LIN9: variants seen among roughly 807,000 people sequenced by gnomAD.
LIN9 encodes protein lin-9 homolog.
LIN9 carries 18 observed loss-of-function variants against 78.0 expected under a neutral mutation model. The ratio of observed to expected loss-of-function variants is 0.23; its 90% CI spans 0.16 to 0.34. LIN9 has a LOEUF of 0.34. Ranked by LOEUF, LIN9 falls within the 10% of genes least tolerant of loss-of-function variation. LIN9 has a pLI of 1.00. For missense variants in LIN9, 451 were observed against 644.1 expected (o/e 0.70, Z 3.25); for synonymous variants, 192 against 215.2 (o/e 0.89, Z 0.94).
In LIN9 at chr1:226,296,031, A is replaced by C. The variant is rs1394256247; in HGVS notation, c.160-85T>G. 4.7e-6 allele frequency: 4 copies of C among 846,464 alleles called. No homozygotes were observed. In the East Asian group the frequency reaches 1.0e-4, roughly 22 times the overall value. The allele number at this position is 846,464 out of a possible 1,614,324, so 52.4% of individuals were successfully genotyped here. ...ATACAATTCTATACTTGGAAAACTGAGCTAACTCTGGATTATCAGCAGTAT... is the reference window on the plus strand; with the variant it reads ...ATACAATTCTATACTTGGAAAACTGCGCTAACTCTGGATTATCAGCAGTAT... On this transcript the variant is annotated intron_variant, in intron 3 of 14. Transcript: ENST00000681046.
At chr1:226,266,927 G>A (rs1659955172) in intron 8 of LIN9, among the ~76,000 whole-genome samples, 1 of 151,676 alleles carries the variant, frequency 6.6e-6, no homozygotes, top group East Asian at 1.9e-4. Context: ...TTACAGACAT[G>A]TGCTACCCCA....
At chr1:226,297,881 T>C in intron 2 of LIN9, 68 bp from the exon 3 acceptor site, 1 of 727,694 alleles carries the variant, frequency 1.4e-6, no homozygotes, top group Non-Finnish European at 2.1e-6. Flanking sequence ...ATGAATACTG[T>C]TTTTTTCATA....
rs950632849 is a variant in LIN9, at chr1:226,231,388, T to C, written c.*1113A>G. The C allele has an allele frequency of 1.3e-5, 2 of 152,556 alleles. No homozygotes were observed. The highest frequency in any genetic ancestry group is 2.9e-5 in the Non-Finnish European group (2 of 68,020). The allele number at this position is 152,556 out of a possible 1,614,324, so 9.5% of individuals were successfully genotyped here. On this transcript the variant is annotated 3_prime_UTR_variant, in exon 15 of 15. Coordinates refer to ENST00000681046, the MANE Select transcript of LIN9 (RefSeq NM_001366245.2). ...TTAACATATAAAAAGTCTCATTTTA[T>C]GAGACATCTAAAGGAATTAAAACCA...
intron 10 of LIN9, among the ~76,000 whole-genome samples, chr1:226,262,458 A>G (rs1659649449): frequency 6.6e-6 from 1 of 152,390 alleles, no homozygotes; most frequent in Non-Finnish European, 1.5e-5. Flanking sequence ...TTGGATTAAA[A>G]AATGAGCCAA....
chr1:226,253,407 C>A (rs1658973243), intron 10 of LIN9, among the ~76,000 whole-genome samples: 1 of 151,756 alleles, frequency 6.6e-6, no homozygotes, highest in Non-Finnish European at 1.5e-5. Flanking sequence ...AATCCTCATG[C>A]CTCAGGCTCC....
intron 11 of LIN9, among the ~76,000 whole-genome samples, chr1:226,239,580 T>C (rs1448632588): frequency 3.3e-5 from 5 of 152,218 alleles, no homozygotes; most frequent in Admixed American, 3.3e-4. Flanking sequence ...CATCTAGCTG[T>C]GTGATGTTAA....
intron 4 of LIN9, among the ~76,000 whole-genome samples, chr1:226,290,226 G>A (rs1016541768): frequency 6.6e-6 from 1 of 151,510 alleles, no homozygotes; most frequent in African/African-American, 2.4e-5. Context: ...TGGGAAAAAG[G>A]CATAAACAGT....
intron 10 of LIN9, among the ~76,000 whole-genome samples, chr1:226,258,848 G>A (rs1299274365): frequency 7.8e-5 from 9 of 114,818 alleles, no homozygotes; most frequent in Middle Eastern, 0.011. Context: ...CCGAGATCAC[G>A]CCACTGCACT....
At chr1:226,305,315 GAAAAAAAAAAA>G (rs111859953) in intron 1 of LIN9, among the ~76,000 whole-genome samples, 8 of 77,536 alleles carry the variant, frequency 1.0e-4, no homozygotes, top group Middle Eastern at 0.013. Flanking sequence ...ACAAAAAAAA[GAAAAAAAAAAA>G]AAAAAAAAAA....
chr1:226,281,180 AT>A (rs1661027371), intron 6 of LIN9, among the ~76,000 whole-genome samples: 1 of 152,216 alleles, frequency 6.6e-6, no homozygotes, highest in Non-Finnish European at 1.5e-5. Flanking sequence ...AAAAACAAGT[AT>A]AAGATGTTCT....
At chr1:226,293,263 T>C (rs1661906895) in intron 4 of LIN9, among the ~76,000 whole-genome samples, 1 of 152,236 alleles carries the variant, frequency 6.6e-6, no homozygotes, top group Non-Finnish European at 1.5e-5. Flanking sequence ...ACATTATATT[T>C]GTTCTGTATT....
Position 226,250,841 on chromosome 1 carries a change from A to G in LIN9, c.1117T>C (p.Leu373=). ...LREMNTEAEK[L]KSYSMPISIE... is the part of the protein sequence containing the mutation. The stretch of plus-strand genomic sequence containing the variant: ...GAAAAAAAAAGAGAAATTCTTACCA[A>G]TTTTTCTGCTTCTGTGTTCATTTCC... The change falls in exon 11 of 15, where the codon TTG becomes CTG. Residue 373 remains leucine (L), a splice_region_variant and synonymous_variant. Transcript: ENST00000681046. 2.0e-6 allele frequency: 3 copies of G among 1,481,926 alleles called. No homozygotes were observed. The highest frequency in any genetic ancestry group is 1.9e-6 in the Non-Finnish European group (2 of 1,076,698). The allele number at this position is 1,481,926 out of a possible 1,614,324, so 91.8% of individuals were successfully genotyped here.
intron 10 of LIN9, among the ~76,000 whole-genome samples, chr1:226,258,971 AATTTT>A (rs1659393320): frequency 1.6e-5 from 2 of 121,992 alleles, no homozygotes; most frequent in Admixed American, 8.6e-5. Flanking sequence ...AAGACATAAT[AATTTT>A]TTTTTTTTTT....
chr1:226,238,405 A>G (rs1341561976), intron 12 of LIN9, among the ~76,000 whole-genome samples: 8 of 152,142 alleles, frequency 5.3e-5, no homozygotes, highest in Non-Finnish European at 2.9e-5. Flanking sequence ...CCAAGGTAGG[A>G]GGATCGCTTG....
chr1:226,275,148 T>C (rs1322845624), intron 7 of LIN9, among the ~76,000 whole-genome samples: 3 of 152,234 alleles, frequency 2.0e-5, no homozygotes, highest in African/African-American at 7.2e-5. Context: ...TTGTAGGGGC[T>C]GGTCTGTTTC....
At position 226,239,950 on chromosome 1, in the gene LIN9, A is replaced by G. The variant is rs563804655; in HGVS notation, c.1120-854T>C. Among the ~76,000 whole-genome samples the G allele has an allele frequency of 3.9e-5, 6 of 152,372 alleles. No homozygotes were observed. In the East Asian group the frequency reaches 1.2e-3, roughly 29 times the overall value. ...AGGATTTCTGAGAAAGCACGTTGTT[A>G]TGCACTAAGGAAGCAAAATCGCTCC... On this transcript the variant is annotated intron_variant, in intron 11 of 14. Transcript: ENST00000681046.
chr1:226,282,436 C>A (rs1323934422), intron 6 of LIN9, among the ~76,000 whole-genome samples: 1 of 152,168 alleles, frequency 6.6e-6, no homozygotes, highest in Non-Finnish European at 1.5e-5. Flanking sequence ...TAAAATTAGT[C>A]TCTCACCAGT....
At chr1:226,291,768 A>G (rs1457138957) in intron 4 of LIN9, among the ~76,000 whole-genome samples, 1 of 152,176 alleles carries the variant, frequency 6.6e-6, no homozygotes, top group Non-Finnish European at 1.5e-5. Context: ...GTGCAATACT[A>G]TTAACTAAAC....
rs879750346 is a variant in LIN9 at position 226,277,992 on chromosome 1, C to CT, written c.525-61dup. The CT allele has an allele frequency of 7.5e-3, 9,631 of 1,290,618 alleles. 1 individual carries two copies. Among genetic ancestry groups the CT allele is most frequent in the East Asian group, 0.023 (903 of 39,316 alleles). 79.9% of individuals were successfully genotyped at this position (1,290,618 alleles called of 1,614,324 possible). A position where few individuals can be genotyped will look rare whatever the true frequency, so the allele number is the denominator to read the frequency against. On this transcript the variant is annotated intron_variant, in intron 6 of 14. Transcript: ENST00000681046. The stretch of plus-strand genomic sequence containing the variant: ...ACTACCCCATATAAAAACTTAAAAT[C>CT]TTTTTTTTTTCTTTTTTTGAGATAG...
Sources: gnomAD v4.1 joint callset for allele counts (sites outside exome capture counted in the v4.1 genomes callset) on GRCh38, gnomAD v4.1.1 for gene constraint, MANE v1.5 for transcripts, NCBI Gene and HGNC (gene_info 2026-07-23, HGNC 2026-07-21) for gene names.